The following GALNT15 variants were observed in gnomAD, a reference collection of about 807,000 sequenced individuals.
The protein encoded by GALNT15 is polypeptide N-acetylgalactosaminyltransferase 15.
Under a neutral mutation model 66.8 loss-of-function variants are expected in GALNT15, and 67 were observed. The ratio of observed to expected loss-of-function variants is 1.00; its 90% CI spans 0.82 to 1.23. The LOEUF is 1.23. Ranked by LOEUF, GALNT15 falls within the 50% of genes most tolerant of loss-of-function variation. GALNT15 has a pLI of 0.00. For synonymous variants in GALNT15, 313 were observed against 311.5 expected (o/e 1.00, Z -0.05); for missense variants, 827 against 804.3 (o/e 1.03, Z -0.34).
chr3:16,231,387 T>C (rs1375882633), downstream of GALNT15, among the ~76,000 whole-genome samples: 1 of 152,218 alleles, frequency 6.6e-6, no homozygotes, highest in Non-Finnish European at 1.5e-5. This position sits in a 1 kb window ranked among gnomAD's most constrained non-coding sequence, Gnocchi z 4.1. Context: ...TTACATGAAA[T>C]GTGCTCTTTG....
At position 16,200,241 on chromosome 3, in the gene GALNT15, C is replaced by T. The variant is rs2063684732; in HGVS notation, c.707-378C>T. Among the ~76,000 whole-genome samples the T allele has an allele frequency of 6.6e-6, 1 of 152,140 alleles. No individual in the cohort carries two copies. Among genetic ancestry groups the T allele is most frequent in the African/African-American group, 2.4e-5 (1 of 41,416 alleles). On this transcript the variant is annotated intron_variant, in intron 2 of 9. Transcript: ENST00000339732. The surrounding 1 kb of genome is among the most constrained non-coding windows in gnomAD (Gnocchi z 4.4). ...TGATCCAATCACCTCCCACCAGGTCCCTCCCTCGCCACATAGGGATTATGG... is the reference window on the plus strand; with the variant it reads ...TGATCCAATCACCTCCCACCAGGTCTCTCCCTCGCCACATAGGGATTATGG...
Position 16,176,509 on chromosome 3 carries a change from G to T in GALNT15, c.539+819G>T, listed in dbSNP as rs2063411548. Among the ~76,000 whole-genome samples, 1 of 152,206 alleles carries T rather than the reference G, an allele frequency of 6.6e-6. No individual in the cohort carries two copies. Among genetic ancestry groups the T allele is most frequent in the Non-Finnish European group, 1.5e-5 (1 of 68,038 alleles). ...TACTGTGCTGACTGCAATTTACCCT[G>T]CCAGGGCAGCCCCAGCCCCAGGAGG... On this transcript the variant is annotated intron_variant, in intron 1 of 9. Coordinates refer to ENST00000339732, the MANE Select transcript of GALNT15 (RefSeq NM_054110.5). This position sits in a 1 kb window ranked among gnomAD's most constrained non-coding sequence, Gnocchi z 5.6.
intron 6 of GALNT15, among the ~76,000 whole-genome samples, chr3:16,213,851 C>T (rs2063844637): frequency 6.6e-6 from 1 of 152,254 alleles, no homozygotes; most frequent in African/African-American, 2.4e-5. Flanking sequence ...GCTTCCCCTT[C>T]TGCCCTGGTC....
In GALNT15 at chr3:16,222,704, G is replaced by A; in HGVS notation, c.1719G>A (p.Gln573=). 2.5e-6 allele frequency: 4 copies of A among 1,614,252 alleles called. No individual in the cohort carries two copies. Among genetic ancestry groups the A allele is most frequent in the Non-Finnish European group, 3.4e-6 (4 of 1,180,048 alleles). Residue 573 remains glutamine (Q), a synonymous_variant, in exon 9 of 10, where the codon CAG becomes CAA. Transcript: ENST00000339732. ...TCAGGCAGGAGCAGGTGATTCTTCAGAACTGCACGGAGGAAGGCCTGGCCA... is the reference window on the plus strand; with the variant it reads ...TCAGGCAGGAGCAGGTGATTCTTCAAAACTGCACGGAGGAAGGCCTGGCCA... ...FAVRQEQVIL[Q]NCTEEGLAIH...
Position 16,211,002 on chromosome 3 carries a change from C to T in GALNT15, c.1080-122C>T, listed in dbSNP as rs2063807470. On this transcript the variant is annotated intron_variant, in intron 4 of 9. Coordinates refer to ENST00000339732, the MANE Select transcript of GALNT15 (RefSeq NM_054110.5). The surrounding 1 kb of genome is among the most constrained non-coding windows in gnomAD (Gnocchi z 4.3). Reference sequence around the variant, plus strand: ...CTTGCAATTAAAAAATTGCATTTTACCTGAGCCTAAAGCCTGTTCTCTCAG... The same window carrying T: ...CTTGCAATTAAAAAATTGCATTTTATCTGAGCCTAAAGCCTGTTCTCTCAG... The T allele has an allele frequency of 1.3e-5, 9 of 676,772 alleles. No homozygotes were observed. Among genetic ancestry groups the T allele is most frequent in the South Asian group, 1.2e-4 (7 of 57,754 alleles). 41.9% of individuals were successfully genotyped at this position (676,772 alleles called of 1,614,324 possible). A position where few individuals can be genotyped will look rare whatever the true frequency, so the allele number is the denominator to read the frequency against.
In GALNT15 at chr3:16,191,010, G is replaced by A. The variant is rs377052068; in HGVS notation, c.540-4750G>A. Among the ~76,000 whole-genome samples, 12 of 152,336 alleles carry A rather than the reference G, an allele frequency of 7.9e-5. No individual in the cohort carries two copies. The South Asian group carries it at 2.1e-3, about 26-fold the overall frequency. ...AGACCTGCCTCCACAGCTTGGCGGGGCATCCCCCATAGCCTTGTAATGGCT... is the reference window on the plus strand; with the variant it reads ...AGACCTGCCTCCACAGCTTGGCGGGACATCCCCCATAGCCTTGTAATGGCT... On this transcript the variant is annotated intron_variant, in intron 1 of 9. Coordinates refer to ENST00000339732, the MANE Select transcript of GALNT15 (RefSeq NM_054110.5). The surrounding 1 kb of genome is among the most constrained non-coding windows in gnomAD (Gnocchi z 5.2).
chr3:16,247,160 G>C, the GALNT15 span, among the ~76,000 whole-genome samples: 1 of 151,348 alleles, frequency 6.6e-6, no homozygotes, highest in Non-Finnish European at 1.5e-5. Flanking sequence ...TTCTGCTAAA[G>C]GATGCTTGCA....
chr3:16,248,218 T>A, the GALNT15 span, among the ~76,000 whole-genome samples: 3 of 152,240 alleles, frequency 2.0e-5, no homozygotes, highest in East Asian at 5.8e-4. The surrounding 1 kb of genome is among the most constrained non-coding windows in gnomAD (Gnocchi z 4.9). Flanking sequence ...AACATCCTCG[T>A]GGTCTATGCC....
rs575923352 is a variant in GALNT15 at position 16,230,037 on chromosome 3, A to G, written c.*2537A>G. ...GCATTCATTTTATCCATAATGATCA[A>G]TTTAAAAGTAGAGAAACTTGTCAGT... is the stretch of plus-strand genomic sequence containing the variant. On this transcript the variant is annotated 3_prime_UTR_variant, in exon 10 of 10. Coordinates refer to ENST00000339732, the MANE Select transcript of GALNT15 (RefSeq NM_054110.5). This position sits in a 1 kb window ranked among gnomAD's most constrained non-coding sequence, Gnocchi z 4.5. Among the ~76,000 whole-genome samples the G allele has an allele frequency of 4.6e-5, 7 of 152,296 alleles. No individual in the cohort carries two copies. The highest frequency in any genetic ancestry group is 3.9e-4 in the Admixed American group (6 of 15,296).
chr3:16,242,839 G>T, the GALNT15 span, among the ~76,000 whole-genome samples: 4 of 152,024 alleles, frequency 2.6e-5, no homozygotes, highest in African/African-American at 9.7e-5. This position sits in a 1 kb window ranked among gnomAD's most constrained non-coding sequence, Gnocchi z 5.6. Context: ...GGGATTGCTG[G>T]GTAGGTGTCT....
In GALNT15 at chr3:16,186,175, G is replaced by A. The variant is rs2063514609; in HGVS notation, c.540-9585G>A. ...ATTTCTTCAAAGAAGACATAAAAAT[G>A]GTCAATAGCACACGAAAAGATGTTC... is the stretch of plus-strand genomic sequence containing the variant. On this transcript the variant is annotated intron_variant, in intron 1 of 9. Transcript: ENST00000339732. The surrounding 1 kb of genome is among the most constrained non-coding windows in gnomAD (Gnocchi z 5.1). Among the ~76,000 whole-genome samples the A allele has an allele frequency of 6.6e-6, 1 of 152,150 alleles. No homozygotes were observed. Among genetic ancestry groups the A allele is most frequent in the Admixed American group, 6.5e-5 (1 of 15,278 alleles).
At position 16,222,657 on chromosome 3, in the gene GALNT15, C is replaced by T; in HGVS notation, c.1672C>T (p.Pro558Ser). ...TSRKEIHFGS[P>S]QHLCFAVRQE... ...CAGGAAGGAGATTCACTTTGGCAGC[C>T]CACAGCACCTGTGCTTTGCTGTCAG... The change falls in exon 9 of 10, where the codon CCA becomes TCA. Residue 558 changes from proline (P) to serine (S), a missense_variant. Physicochemically the swap from Pro to Ser is moderately conservative, Grantham distance 74. Coordinates refer to ENST00000339732, the MANE Select transcript of GALNT15 (RefSeq NM_054110.5). The T allele has an allele frequency of 6.2e-7, 1 of 1,614,198 alleles. No individual in the cohort carries two copies. Among genetic ancestry groups the T allele is most frequent in the Middle Eastern group, 1.6e-4 (1 of 6,062 alleles).
intron 4 of GALNT15, 91 bp downstream of exon 4, chr3:16,208,761 T>A: frequency 8.5e-7 from 1 of 1,169,896 alleles, no homozygotes; most frequent in African/African-American, 1.5e-5. Context: ...ACCTCCACAG[T>A]TTCCTAGTAA....
intron 6 of GALNT15, among the ~76,000 whole-genome samples, chr3:16,217,174 T>G (rs1214985318): frequency 6.6e-6 from 1 of 152,236 alleles, no homozygotes. Flanking sequence ...TAAAATGAAA[T>G]GTGAAAGAGT....
chr3:16,223,051 C>T (rs1438876412), intron 9 of GALNT15, among the ~76,000 whole-genome samples: 2 of 152,098 alleles, frequency 1.3e-5, no homozygotes, highest in African/African-American at 4.8e-5. Flanking sequence ...GCTCAGTTCA[C>T]AAGTAGGATG....
rs1410608767 is a variant in GALNT15, at chr3:16,187,932, A to G, written c.540-7828A>G. On this transcript the variant is annotated intron_variant, in intron 1 of 9. Transcript: ENST00000339732. This position sits in a 1 kb window ranked among gnomAD's most constrained non-coding sequence, Gnocchi z 5.1. ...TTCTCCCTCAGTGAAAACAAATCAT[A>G]GACTCAAAGGTGGAAGGATCTTTAG... 6.6e-6 allele frequency among the ~76,000 whole-genome samples: 1 copy of G among 152,224 alleles called. No individual in the cohort carries two copies. Among genetic ancestry groups the G allele is most frequent in the East Asian group, 1.9e-4 (1 of 5,198 alleles).
rs1331611907 is a variant in GALNT15 at position 16,228,032 on chromosome 3, G to C, written c.*532G>C. On this transcript the variant is annotated 3_prime_UTR_variant, in exon 10 of 10. Transcript: ENST00000339732. ...AGCCATATCTCAGAAGAAGGAAAGG[G>C]AGCTACAGAAAGGAGGTTTAGGATT... 1.0e-6 allele frequency: 1 copy of C among 987,202 alleles called. No homozygotes were observed. Among genetic ancestry groups the C allele is most frequent in the Non-Finnish European group, 1.2e-6 (1 of 831,152 alleles). 61.2% of individuals were successfully genotyped at this position (987,202 alleles called of 1,614,324 possible). A position where few individuals can be genotyped will look rare whatever the true frequency, so the allele number is the denominator to read the frequency against.
At chr3:16,206,997 G>T (rs991476391) in intron 3 of GALNT15, among the ~76,000 whole-genome samples, 1 of 152,098 alleles carries the variant, frequency 6.6e-6, no homozygotes, top group Non-Finnish European at 1.5e-5. Context: ...GTCAATACAG[G>T]GTACCCCAAA....
rs775890069 is a variant in GALNT15, at chr3:16,175,232, G to C, written c.81G>C (p.Leu27=). ...LLLLLMLGCV[L]MMVAMLHPPH... ...TGCTCCTGATGCTGGGATGCGTCCT[G>C]ATGATGGTGGCGATGTTGCACCCTC... The change falls in exon 1 of 10, where the codon CTG becomes CTC. Residue 27 remains leucine (L), a synonymous_variant. Coordinates refer to ENST00000339732, the MANE Select transcript of GALNT15 (RefSeq NM_054110.5). The surrounding 1 kb of genome is among the most constrained non-coding windows in gnomAD (Gnocchi z 5.6). 4 of 1,614,086 alleles carry C rather than the reference G, an allele frequency of 2.5e-6. No individual in the cohort carries two copies. The highest frequency in any genetic ancestry group is 3.4e-6 in the Non-Finnish European group (4 of 1,180,050).
Sources: allele counts gnomAD v4.1 joint callset (sites outside exome capture counted in the v4.1 genomes callset), GRCh38; gene constraint gnomAD v4.1.1; non-coding constraint Gnocchi (gnomAD v3.1); transcripts MANE v1.5; gene names NCBI Gene and HGNC (gene_info 2026-07-23, HGNC 2026-07-21).